The following CDH18 variants were observed in gnomAD, a reference collection of about 807,000 sequenced individuals.
The protein encoded by CDH18 is cadherin-18.
In CDH18, 31 loss-of-function variants were observed where a neutral mutation model predicts 67.9. That is an observed-to-expected ratio of 0.46 (90% confidence interval 0.34 to 0.62). The LOEUF (loss-of-function observed/expected upper bound fraction) is 0.62. Ranked by LOEUF, CDH18 falls within the 20% of genes least tolerant of loss-of-function variation. The probability of loss-of-function intolerance (pLI) is 0.01; values close to 1 mark genes in which losing one functional copy is unlikely to be tolerated. For synonymous variants in CDH18, 362 were observed against 347.2 expected (o/e 1.04, Z -0.48); for missense variants, 890 against 975.5 (o/e 0.91, Z 1.17).
At chr5:19,508,092 T>C (rs1744509364) in intron 10 of CDH18, among the ~76,000 whole-genome samples, 1 of 151,836 alleles carries the variant, frequency 6.6e-6, no homozygotes, top group African/African-American at 2.4e-5. Flanking sequence ...AGAATGTCAG[T>C]CTGACTTTGT....
intron 2 of CDH18, among the ~76,000 whole-genome samples, chr5:20,230,655 T>A (rs1390001392): frequency 2.0e-5 from 3 of 151,854 alleles, no homozygotes; most frequent in African/African-American, 7.3e-5. Context: ...ATCATCATCA[T>A]CATCATGATT....
At chr5:20,209,285 GA>G (rs552052135) in intron 2 of CDH18, among the ~76,000 whole-genome samples, 4 of 151,968 alleles carry the variant, frequency 2.6e-5, no homozygotes, top group Non-Finnish European at 5.9e-5. Context: ...CCAATGTATT[GA>G]AAAAAGATGT....
At position 20,027,580 on chromosome 5, in the gene CDH18, T is replaced by G. The variant is rs374403163; in HGVS notation, c.-517-35566A>C. On this transcript the variant is annotated intron_variant, in intron 2 of 14. Transcript: ENST00000507958. ...AGGCTTATAAGCATAAACACCATAG[T>G]GTTTCCCCCATTTTGCTAGGAGGGA... Among the ~76,000 whole-genome samples, 93 of 152,298 alleles carry G rather than the reference T, an allele frequency of 6.1e-4. No homozygotes were observed. The South Asian group carries it at 0.017, about 27-fold the overall frequency.
intron 2 of CDH18, among the ~76,000 whole-genome samples, chr5:19,939,814 T>A (rs1794641947): frequency 6.6e-6 from 1 of 151,882 alleles, no homozygotes; most frequent in African/African-American, 2.4e-5. Flanking sequence ...TACCATAAAA[T>A]TTTCATCAGT....
At chr5:20,464,372 C>A (rs543215813) in intron 1 of CDH18, among the ~76,000 whole-genome samples, 1 of 152,178 alleles carries the variant, frequency 6.6e-6, no homozygotes, top group Admixed American at 6.5e-5. Flanking sequence ...CATGTGTGTG[C>A]AACAGAAGCG....
chr5:20,201,751 G>T (rs1739465277), intron 2 of CDH18, among the ~76,000 whole-genome samples: 1 of 152,100 alleles, frequency 6.6e-6, no homozygotes, highest in Non-Finnish European at 1.5e-5. Flanking sequence ...TGATTTTCCA[G>T]TATATTTGCT....
intron 1 of CDH18, among the ~76,000 whole-genome samples, chr5:20,276,819 T>C (rs774606057): frequency 1.3e-5 from 2 of 152,014 alleles, no homozygotes; most frequent in Non-Finnish European, 2.9e-5. Flanking sequence ...CCTGGGAGTA[T>C]TCACCAGAAG....
chr5:19,675,784 G>C (rs1759402534), intron 5 of CDH18, among the ~76,000 whole-genome samples: 1 of 152,044 alleles, frequency 6.6e-6, no homozygotes, highest in Non-Finnish European at 1.5e-5. Flanking sequence ...CAAGAGTATT[G>C]ATTGGGGAAG....
intron 2 of CDH18, among the ~76,000 whole-genome samples, chr5:20,196,787 T>C (rs558905975): frequency 3.3e-5 from 5 of 152,210 alleles, no homozygotes; most frequent in Non-Finnish European, 7.3e-5. Context: ...GCATGATTAC[T>C]CATTTACTCA....
At chr5:19,785,260 C>CTTTCAGGACTGATCCATCACATAATATT (rs1405856443) in intron 3 of CDH18, among the ~76,000 whole-genome samples, 1 of 151,996 alleles carries the variant, frequency 6.6e-6, no homozygotes, top group East Asian at 1.9e-4. Context: ...ATGTCTCTAG[C>CTTTCAGGACTGATCCATCACATAATATT]TTTCAGGACT....
intron 2 of CDH18, among the ~76,000 whole-genome samples, chr5:20,226,298 TAGC>T (rs1324210696): frequency 6.6e-6 from 1 of 152,114 alleles, no homozygotes; most frequent in African/African-American, 2.4e-5. Flanking sequence ...CATTCGGTAT[TAGC>T]TGTCACTGTC....
chr5:19,558,107 G>A (rs1371978290), intron 8 of CDH18, among the ~76,000 whole-genome samples: 1 of 152,032 alleles, frequency 6.6e-6, no homozygotes, highest in Non-Finnish European at 1.5e-5. Context: ...TGACAATAGT[G>A]ACATGACCTA....
At chr5:19,898,389 G>T (rs1789574375) in intron 2 of CDH18, among the ~76,000 whole-genome samples, 1 of 151,718 alleles carries the variant, frequency 6.6e-6, no homozygotes, top group African/African-American at 2.4e-5. Flanking sequence ...CTTCTAATTG[G>T]TTAATAGTGA....
At chr5:20,472,669 T>A (rs1017724862) in intron 1 of CDH18, among the ~76,000 whole-genome samples, 1 of 152,238 alleles carries the variant, frequency 6.6e-6, no homozygotes, top group African/African-American at 2.4e-5. Flanking sequence ...TCACCAGAAC[T>A]GAAAGACGGG....
intron 2 of CDH18, among the ~76,000 whole-genome samples, chr5:20,224,821 T>C (rs1169939989): frequency 6.6e-6 from 1 of 152,156 alleles, no homozygotes; most frequent in Non-Finnish European, 1.5e-5. Context: ...TTATTCAGCA[T>C]ATACCAGAAA....
chr5:20,382,998 G>T (rs1213536548), intron 1 of CDH18, among the ~76,000 whole-genome samples: 1 of 151,992 alleles, frequency 6.6e-6, no homozygotes, highest in Admixed American at 6.6e-5. Context: ...GAGCCAGCAG[G>T]AGAATTCTAC....
At chr5:20,215,138 T>C (rs961317790) in intron 2 of CDH18, among the ~76,000 whole-genome samples, 2 of 152,144 alleles carry the variant, frequency 1.3e-5, no homozygotes, top group South Asian at 4.1e-4. Context: ...CACAGTGAGA[T>C]ACAACCTCAT....
rs190251511 is a variant in CDH18 at position 19,873,395 on chromosome 5, G to A, written c.-256-34153C>T. On this transcript the variant is annotated intron_variant, in intron 2 of 12. Transcript: ENST00000382275. The stretch of plus-strand genomic sequence containing the variant: ...CTATCATCTGAAGAAAAACATAGTC[G>A]GTGAGGGAAATTCTGGTTGTGTTAA... Among the ~76,000 whole-genome samples, 187 of 152,054 alleles carry A rather than the reference G, an allele frequency of 1.2e-3. 3 individuals carry two copies. The highest frequency in any genetic ancestry group is 3.4e-3 in the Middle Eastern group (1 of 294).
chr5:19,520,152 T>C (rs79308005), intron 10 of CDH18, among the ~76,000 whole-genome samples: 2,162 of 152,210 alleles, frequency 0.014, 55 homozygotes, highest in African/African-American at 0.049. Context: ...ACATCCAGCC[T>C]CTTGCCCCAT....
Sources: gnomAD v4.1 joint callset for allele counts (sites outside exome capture counted in the v4.1 genomes callset) on GRCh38, gnomAD v4.1.1 for gene constraint, MANE v1.5 for transcripts, NCBI Gene and HGNC (gene_info 2026-07-23, HGNC 2026-07-21) for gene names.